LRRC37A2: variants seen among roughly 807,000 people sequenced by gnomAD.
LRRC37A2 encodes the protein leucine-rich repeat-containing protein 37A2.
In LRRC37A2, 9 loss-of-function variants were observed where a neutral mutation model predicts 68.8. The ratio of observed to expected loss-of-function variants is 0.13; its 90% CI spans 0.08 to 0.23. The LOEUF (loss-of-function observed/expected upper bound fraction) is 0.23, where lower values mean the gene tolerates loss of function less well. Among genes scored for constraint, LRRC37A2 ranks in the 10% least tolerant of loss-of-function variants. LRRC37A2 has a pLI of 1.00. For synonymous variants in LRRC37A2, 63 were observed against 367.6 expected (o/e 0.17, Z 9.48); for missense variants, 168 against 950.4 (o/e 0.18, Z 10.82).
chr17:46,974,182 G>A, the LRRC37A2 span, among the ~76,000 whole-genome samples: 1 of 152,254 alleles, frequency 6.6e-6, no homozygotes, highest in Non-Finnish European at 1.5e-5. Flanking sequence ...TAGGCCCTGA[G>A]ACGCATGGAA....
At chr17:46,801,342 G>A in the LRRC37A2 span, among the ~76,000 whole-genome samples, 4 of 152,298 alleles carry the variant, frequency 2.6e-5, no homozygotes, top group East Asian at 1.9e-4. Context: ...CAAAGTGGCC[G>A]GGCACGGTGG....
At chr17:46,749,636 T>G in the LRRC37A2 span, 5 of 752,104 alleles carry the variant, frequency 6.6e-6, no homozygotes, top group Non-Finnish European at 8.0e-6. Context: ...AATCCTGAAT[T>G]GTTTTCTTCT....
At chr17:46,534,504 T>A (rs1423291886) in intron 6 of LRRC37A2, among the ~76,000 whole-genome samples, 2 of 148,372 alleles carry the variant, frequency 1.3e-5, no homozygotes, top group Non-Finnish European at 3.0e-5. Flanking sequence ...CAGAGAGCAC[T>A]GGGTTGGGGG....
the LRRC37A2 span, among the ~76,000 whole-genome samples, chr17:46,965,569 C>T: frequency 2.6e-5 from 4 of 152,176 alleles, no homozygotes; most frequent in African/African-American, 4.8e-5. Flanking sequence ...AGGAAATCCT[C>T]GTGGTTTCTG....
chr17:46,991,489 G>A, the LRRC37A2 span, among the ~76,000 whole-genome samples: 4 of 152,000 alleles, frequency 2.6e-5, no homozygotes, highest in African/African-American at 9.7e-5. Context: ...TTAGCCGGGT[G>A]TGGTGGTGCA....
chr17:46,602,485 C>G, the LRRC37A2 span: 1 of 33,512 alleles, frequency 3.0e-5, no homozygotes, highest in Non-Finnish European at 5.7e-5. Flanking sequence ...CTGTATAGAT[C>G]TTTGGTGGAG....
the LRRC37A2 span, among the ~76,000 whole-genome samples, chr17:46,472,921 A>T: frequency 6.1e-4 from 42 of 68,872 alleles, 2 homozygotes; most frequent in East Asian, 8.6e-3. Context: ...TCTCAAAAAA[A>T]AAATATATAT....
At chr17:46,847,815 G>A in the LRRC37A2 span, among the ~76,000 whole-genome samples, 2 of 152,246 alleles carry the variant, frequency 1.3e-5, no homozygotes, top group African/African-American at 4.8e-5. Context: ...GCCAACCAAA[G>A]GCGGATGGTT....
chr17:46,843,636 G>A, the LRRC37A2 span, among the ~76,000 whole-genome samples: 16 of 152,294 alleles, frequency 1.1e-4, no homozygotes, highest in East Asian at 1.9e-4. Context: ...TTCTAATCCC[G>A]GTTCTAAGCT....
At chr17:46,756,086 G>T in the LRRC37A2 span, 13 of 423,578 alleles carry the variant, frequency 3.1e-5, no homozygotes, top group Middle Eastern at 5.8e-4. Context: ...TTCTTGCTCA[G>T]TCCCTCTGGG....
chr17:46,747,101 G>T, the LRRC37A2 span, among the ~76,000 whole-genome samples: 142 of 152,302 alleles, frequency 9.3e-4, no homozygotes, highest in African/African-American at 3.4e-3. Context: ...TCATCCTATA[G>T]TGAAGCCCCC....
At chr17:46,828,495 G>A in the LRRC37A2 span, among the ~76,000 whole-genome samples, 3 of 152,036 alleles carry the variant, frequency 2.0e-5, no homozygotes, top group Non-Finnish European at 2.9e-5. Flanking sequence ...GAGTCACCAC[G>A]CCCTGCCAGG....
the LRRC37A2 span, among the ~76,000 whole-genome samples, chr17:46,783,469 C>A: frequency 6.6e-6 from 1 of 152,186 alleles, no homozygotes; most frequent in Non-Finnish European, 1.5e-5. Flanking sequence ...ATTAATGAAG[C>A]CACACCTGAG....
the LRRC37A2 span, among the ~76,000 whole-genome samples, chr17:46,845,158 CT>C: frequency 1.3e-5 from 2 of 152,154 alleles, no homozygotes; most frequent in Non-Finnish European, 2.9e-5. Context: ...CTCCTTCCTC[CT>C]TCTTTTGAGC....
At chr17:46,789,572 A>C in the LRRC37A2 span, among the ~76,000 whole-genome samples, 29 of 141,040 alleles carry the variant, frequency 2.1e-4, no homozygotes, top group African/African-American at 7.8e-4. Flanking sequence ...AATCTGATCT[A>C]ACCAAGCTTT....
chr17:46,822,150 A>C, the LRRC37A2 span, among the ~76,000 whole-genome samples: 3 of 152,240 alleles, frequency 2.0e-5, no homozygotes, highest in Non-Finnish European at 4.4e-5. Context: ...CAAAGGGAGC[A>C]CATAGGGGGC....
At chr17:46,851,492 C>CG in the LRRC37A2 span, 2 of 369,940 alleles carry the variant, frequency 5.4e-6, no homozygotes, top group Non-Finnish European at 9.3e-6. This position sits in a 1 kb window ranked among gnomAD's most constrained non-coding sequence, Gnocchi z 4.3. Flanking sequence ...GCTCGCCGCC[C>CG]GGGGCTGGGG....
the LRRC37A2 span, among the ~76,000 whole-genome samples, chr17:46,753,332 A>C: frequency 6.6e-6 from 1 of 152,238 alleles, no homozygotes; most frequent in African/African-American, 2.4e-5. Context: ...TGGAAACGTG[A>C]AGTGAATGCT....
the LRRC37A2 span, among the ~76,000 whole-genome samples, chr17:46,901,322 C>A: frequency 6.6e-6 from 1 of 152,100 alleles, no homozygotes; most frequent in African/African-American, 2.4e-5. Flanking sequence ...CCATCATGCC[C>A]GGCTAATTTT....
Sources: gnomAD v4.1 joint callset for allele counts (sites outside exome capture counted in the v4.1 genomes callset) on GRCh38, gnomAD v4.1.1 for gene constraint, Gnocchi (gnomAD v3.1) non-coding constraint, MANE v1.5 for transcripts, NCBI Gene and HGNC (gene_info 2026-07-23, HGNC 2026-07-21) for gene names.